Variants in VWF observed in about 807,000 individuals in gnomAD.
VWF encodes von Willebrand factor, also known as Factor VIII related antigen.
Under a neutral mutation model 308.6 loss-of-function variants are expected in VWF, and 176 were observed. The observed-to-expected ratio is 0.57, with a 90% CI of 0.50 to 0.65. VWF has a LOEUF of 0.65. VWF is among the 30% of genes least tolerant of loss of function. VWF has a pLI of 0.00. For synonymous variants in VWF, 1,385 were observed against 1,443.4 expected, an observed-to-expected ratio of 0.96 and a Z score of 0.92; for missense variants, 3,146 against 3,648.2, an observed-to-expected ratio of 0.86 and a Z score of 3.55.
intron 38 of VWF, 87 bp from the exon 39 acceptor site, chr12:5,985,752 G>A (rs778785940): frequency 5.0e-5 from 63 of 1,264,194 alleles, no homozygotes; most frequent in African/African-American, 3.9e-4. Flanking sequence ...CCCTGCCTCC[G>A]GCAAGGGCCA....
intron 50 of VWF, 87 bp from the exon 51 acceptor site, chr12:5,949,970 A>C: frequency 8.3e-7 from 1 of 1,211,232 alleles, no homozygotes; most frequent in Middle Eastern, 2.2e-4. Flanking sequence ...CTGGGCTGGA[A>C]ATAGGTCCCT....
Position 5,969,406 on chromosome 12 carries a change from A to G in VWF, c.7549-15T>C, listed in dbSNP as rs776129463. The G allele has an allele frequency of 6.2e-7, 1 of 1,614,128 alleles. No individual in the cohort carries two copies. The highest frequency in any genetic ancestry group is 8.5e-7 in the Non-Finnish European group (1 of 1,179,990). ...TGGGAGCCGACCTGCAGGGCACCAGAGTTAGTCCAACAAGCTGGGGCAGGG... is the reference window on the plus strand; with the variant it reads ...TGGGAGCCGACCTGCAGGGCACCAGGGTTAGTCCAACAAGCTGGGGCAGGG... On this transcript the variant is annotated splice_polypyrimidine_tract_variant and intron_variant, in intron 44 of 51. Transcript: ENST00000261405.
At chr12:6,108,558 A>G (rs919325485) in intron 5 of VWF, among the ~76,000 whole-genome samples, 4 of 151,228 alleles carry the variant, frequency 2.6e-5, no homozygotes, top group African/African-American at 7.3e-5. Flanking sequence ...CAGAGAATAC[A>G]TTATTTTTGG....
intron 1 of VWF, 24 bp from the exon 2 acceptor site, chr12:6,123,220 G>T (rs115056743): frequency 1.2e-6 from 2 of 1,614,164 alleles, no homozygotes; most frequent in Admixed American, 1.7e-5. Flanking sequence ...AGAGACGTGA[G>T]CTGGTCATTG....
At chr12:6,086,199 C>A (rs184371135) in intron 6 of VWF, among the ~76,000 whole-genome samples, 188 of 152,312 alleles carry the variant, frequency 1.2e-3, no homozygotes, top group South Asian at 3.9e-3. Flanking sequence ...TTGGGCCAAA[C>A]CAGGGACTGC....
intron 40 of VWF, among the ~76,000 whole-genome samples, chr12:5,983,794 G>GAGATAGATAGATAGATAGATAAAT (rs1943640558): frequency 6.7e-6 from 1 of 148,656 alleles, no homozygotes; most frequent in Non-Finnish European, 1.5e-5. Flanking sequence ...AGATACAATA[G>GAGATAGATAGATAGATAGATAAAT]AGATAGATAG....
At position 6,019,698 on chromosome 12, in the gene VWF, C is replaced by T. The variant is rs141792415; in HGVS notation, c.3720G>A (p.Pro1240=). 7.7e-5 allele frequency: 124 copies of T among 1,613,306 alleles called. No homozygotes were observed. Among genetic ancestry groups the T allele is most frequent in the Non-Finnish European group, 1.0e-4 (120 of 1,179,710 alleles). ...CTGTGGGAGGCACCACCAGGCCTCC[C>T]GGCTCCTGGCAGGCTTCACAGGTGA... The part of the protein sequence containing the change: ...VNLTCEACQE[P]GGLVVPPTDA... The change falls in exon 28 of 52, where the codon CCG becomes CCA. Residue 1240 remains proline, a synonymous_variant. Transcript: ENST00000261405. This position sits in a 1 kb window ranked among gnomAD's most constrained non-coding sequence, Gnocchi z 5.8.
At chr12:5,952,221 A>C in intron 49 of VWF, 170 bp downstream of exon 49, 1 of 988,370 alleles carries the variant, frequency 1.0e-6, no homozygotes, top group Non-Finnish European at 1.5e-6. Flanking sequence ...ATTGCAGAGA[A>C]TTTTATCTCT....
chr12:6,050,289 CT>C (rs1374426363), intron 16 of VWF, among the ~76,000 whole-genome samples: 2 of 152,206 alleles, frequency 1.3e-5, no homozygotes, highest in African/African-American at 4.8e-5. Context: ...CCCAGCGTCT[CT>C]GGCTTCTGGC....
chr12:5,969,230 G>A lies in VWF; in HGVS notation c.7710C>T (p.Cys2570=), dbSNP rs1943440699. The A allele has an allele frequency of 6.2e-7, 1 of 1,613,702 alleles. No homozygotes were observed. Among genetic ancestry groups the A allele is most frequent in the Non-Finnish European group, 8.5e-7 (1 of 1,179,826 alleles). Residue 2570 remains cysteine (C), a synonymous_variant, in exon 45 of 52, where the codon TGC becomes TGT. Transcript: ENST00000261405. ...GFQLSCKTSA[C]CPSCRCERME... is the part of the protein sequence containing the mutation. Reference sequence around the variant, plus strand: ...CCTTACCACAGCGACAGCTTGGGCAGCACGCTGAGGTCTTACAGCTCAGCT... The same window carrying A: ...CCTTACCACAGCGACAGCTTGGGCAACACGCTGAGGTCTTACAGCTCAGCT...
chr12:6,030,246 C>T (rs1048942356), intron 21 of VWF, among the ~76,000 whole-genome samples: 3 of 152,216 alleles, frequency 2.0e-5, no homozygotes, highest in African/African-American at 7.2e-5. Context: ...CCTCACATGT[C>T]TGCACACCTC....
At chr12:5,993,391 G>A (rs1198740833) in intron 37 of VWF, among the ~76,000 whole-genome samples, 1 of 152,160 alleles carries the variant, frequency 6.6e-6, no homozygotes, top group African/African-American at 2.4e-5. Flanking sequence ...GGCAACCAAT[G>A]ATTCTACTTG....
chr12:6,112,153 C>A (rs866990382), intron 3 of VWF, among the ~76,000 whole-genome samples: 33 of 151,950 alleles, frequency 2.2e-4, no homozygotes, highest in African/African-American at 8.0e-4. Flanking sequence ...TAAGGACACA[C>A]TAAATGGTTG....
intron 16 of VWF, among the ~76,000 whole-genome samples, chr12:6,047,436 C>T (rs1057115510): frequency 2.6e-5 from 4 of 152,192 alleles, no homozygotes; most frequent in Non-Finnish European, 5.9e-5. Flanking sequence ...TGAATGGTGA[C>T]GCCATCCATC....
At chr12:6,077,404 G>A (rs1297736775) in intron 6 of VWF, among the ~76,000 whole-genome samples, 4 of 152,190 alleles carry the variant, frequency 2.6e-5, no homozygotes, top group African/African-American at 9.7e-5. Flanking sequence ...TAGGCTCATG[G>A]GGACAGCCAT....
At chr12:6,071,147 C>A (rs1944775135) in intron 10 of VWF, 150 bp downstream of exon 10, 1 of 849,996 alleles carries the variant, frequency 1.2e-6, no homozygotes, top group Admixed American at 2.0e-5. Flanking sequence ...TACCTGAAAC[C>A]AGAGCTGGGG....
Position 5,952,520 on chromosome 12 carries a change from C to G in VWF, c.7987-1G>C. 6.2e-7 allele frequency: 1 copy of G among 1,613,630 alleles called. No individual in the cohort carries two copies. The highest frequency in any genetic ancestry group is 8.5e-7 in the Non-Finnish European group (1 of 1,179,702). On this transcript the variant is annotated splice_acceptor_variant, in intron 48 of 51. Coordinates refer to ENST00000261405, the MANE Select transcript of VWF (RefSeq NM_000552.5). LOFTEE classifies it high-confidence loss of function. The stretch of plus-strand genomic sequence containing the variant: ...AGCCATCCTGGAGCGTCTCATCACG[C>G]TGGAAGGAAAGAGGAGTGGGTAAAG...
chr12:6,072,849 C>T (rs936925148), intron 8 of VWF, among the ~76,000 whole-genome samples: 9 of 149,100 alleles, frequency 6.0e-5, no homozygotes, highest in African/African-American at 2.2e-4. Flanking sequence ...AGTTGAAACA[C>T]ACAGGACTCA....
chr12:6,106,474 C>T (rs1945244724), intron 5 of VWF, among the ~76,000 whole-genome samples: 1 of 152,168 alleles, frequency 6.6e-6, no homozygotes, highest in African/African-American at 2.4e-5. Context: ...TATAAAGTTT[C>T]AGTTCTGCAA....
Sources: allele counts gnomAD v4.1 joint callset (sites outside exome capture counted in the v4.1 genomes callset), GRCh38; gene constraint gnomAD v4.1.1; non-coding constraint Gnocchi (gnomAD v3.1); transcripts MANE v1.5; gene names NCBI Gene and HGNC (gene_info 2026-07-23, HGNC 2026-07-21).